Variants in KCNG2 observed in about 807,000 individuals in gnomAD.
KCNG2 encodes voltage-gated potassium channel regulatory subunit KCNG2.
A neutral mutation model predicts 12.3 loss-of-function variants in KCNG2; 7 were observed. That is an observed-to-expected ratio of 0.57 (90% CI 0.32 to 1.07). The LOEUF (loss-of-function observed/expected upper bound fraction) is 1.07. KCNG2 is among the 50% of genes least tolerant of loss of function. KCNG2 has a pLI of 0.04. For synonymous variants in KCNG2, 414 were observed against 351.4 expected (o/e 1.18, Z -1.99); for missense variants, 703 against 726.0 (o/e 0.97, Z 0.36).
At chr18:79,816,540 G>C (rs1019143514) in intron 1 of KCNG2, 3 of 152,246 alleles carry the variant, frequency 2.0e-5, no homozygotes, top group African/African-American at 7.2e-5. Context: ...AAATGTGGAC[G>C]GTGTGGGAAT....
intron 1 of KCNG2, among the ~76,000 whole-genome samples, chr18:79,821,686 G>T (rs1351697989): frequency 6.6e-6 from 1 of 152,284 alleles, no homozygotes; most frequent in South Asian, 2.1e-4. Context: ...ACTAGGAAGG[G>T]CCTCCTTCCT....
At position 79,863,861 on chromosome 18, in the gene KCNG2, G is replaced by T; in HGVS notation, c.194G>T (p.Ser65Ile). Reference protein sequence around the residue: ...LLRVCDDYDVSRDEFFFDRSP... With the variant: ...LLRVCDDYDVIRDEFFFDRSP... ...CGCGTGTGTGACGACTACGACGTGA[G>T]CCGCGACGAGTTCTTCTTCGACCGC... Residue 65 changes from serine (S) to isoleucine (I), a missense_variant, in exon 3 of 4, where the codon AGC becomes ATC. Ser to Ile is a moderately radical substitution (Grantham distance 142). Coordinates refer to ENST00000316249, the MANE Select transcript of KCNG2 (RefSeq NM_012283.2). The T allele has an allele frequency of 6.8e-7, 1 of 1,470,270 alleles. No homozygotes were observed. The highest frequency in any genetic ancestry group is 9.0e-7 in the Non-Finnish European group (1 of 1,108,236). The allele number at this position is 1,470,270 out of a possible 1,614,324, so 91.1% of individuals were successfully genotyped here.
chr18:79,849,113 A>C (rs556849472), intron 1 of KCNG2, among the ~76,000 whole-genome samples: 2 of 152,170 alleles, frequency 1.3e-5, no homozygotes, highest in African/African-American at 4.8e-5. Context: ...CCCCGCCTCC[A>C]CATCGAGCCC....
intron 1 of KCNG2, among the ~76,000 whole-genome samples, chr18:79,830,408 G>A (rs956409132): frequency 6.6e-6 from 1 of 152,190 alleles, no homozygotes; most frequent in African/African-American, 2.4e-5. Flanking sequence ...GAGCTCACTG[G>A]GACATCATCT....
At chr18:79,872,280 G>GTTTTTTTT (rs1162742507) in intron 3 of KCNG2, among the ~76,000 whole-genome samples, 1,962 of 73,340 alleles carry the variant, frequency 0.027, 259 homozygotes, top group East Asian at 0.044. Context: ...CAAAGCTTCA[G>GTTTTTTTT]TTTTTTTTTT....
Position 79,899,036 on chromosome 18 carries a change from G to T in KCNG2, c.625-4G>T. The T allele has an allele frequency of 1.9e-6, 3 of 1,539,954 alleles. No individual in the cohort carries two copies. The highest frequency in any genetic ancestry group is 2.6e-6 in the Non-Finnish European group (3 of 1,146,480). On this transcript the variant is annotated splice_region_variant and splice_polypyrimidine_tract_variant and intron_variant, in intron 3 of 3. Coordinates refer to ENST00000316249, the MANE Select transcript of KCNG2 (RefSeq NM_012283.2). ...CCCCAACCCCGTGTCCCCTCTCCCCGCAGGGCGAGTGCTCCCCCAAGTGCC... is the reference window on the plus strand; with the variant it reads ...CCCCAACCCCGTGTCCCCTCTCCCCTCAGGGCGAGTGCTCCCCCAAGTGCC...
intron 3 of KCNG2, among the ~76,000 whole-genome samples, chr18:79,866,382 G>T (rs1416353263): frequency 4.0e-5 from 4 of 99,746 alleles, no homozygotes; most frequent in Admixed American, 2.0e-4. Flanking sequence ...CTGAGGTCTG[G>T]GTGCTGAGAG....
chr18:79,811,814 A>G (rs2087496192), intron 1 of KCNG2, among the ~76,000 whole-genome samples: 1 of 152,236 alleles, frequency 6.6e-6, no homozygotes, highest in South Asian at 2.1e-4. Context: ...ACTGAAATAT[A>G]TAACAACAGT....
rs2087397957 is a variant in KCNG2, at chr18:79,800,271, G to A, written c.-115+2257G>A. 6.6e-6 allele frequency among the ~76,000 whole-genome samples: 1 copy of A among 152,156 alleles called. No individual in the cohort carries two copies. The highest frequency in any genetic ancestry group is 1.5e-5 in the Non-Finnish European group (1 of 68,026). Reference sequence around the variant, plus strand: ...CATCCAGGGACGGCCACCTGTGTCTGAGTACTGCGCGCCTGTCCACGGATG... The same window carrying A: ...CATCCAGGGACGGCCACCTGTGTCTAAGTACTGCGCGCCTGTCCACGGATG... On this transcript the variant is annotated intron_variant, in intron 1 of 3. Coordinates refer to ENST00000316249, the MANE Select transcript of KCNG2 (RefSeq NM_012283.2). The surrounding 1 kb of genome is among the most constrained non-coding windows in gnomAD (Gnocchi z 4.0).
At chr18:79,890,400 G>A (rs1020146167) in intron 3 of KCNG2, among the ~76,000 whole-genome samples, 2 of 152,092 alleles carry the variant, frequency 1.3e-5, no homozygotes, top group African/African-American at 4.8e-5. Context: ...CTGAGGTTTG[G>A]GGTAGGATTG....
chr18:79,879,913 C>T (rs1378102192), intron 3 of KCNG2, among the ~76,000 whole-genome samples: 9 of 152,168 alleles, frequency 5.9e-5, no homozygotes, highest in Middle Eastern at 3.4e-3. Context: ...GGGTCGTAGG[C>T]GGGTGGCACT....
intron 1 of KCNG2, among the ~76,000 whole-genome samples, chr18:79,839,246 A>G (rs1292119181): frequency 1.3e-5 from 2 of 152,226 alleles, no homozygotes; most frequent in Non-Finnish European, 2.9e-5. Flanking sequence ...GTGAGCCATG[A>G]TCATGCCACT....
chr18:79,874,522 G>A (rs919399814), intron 3 of KCNG2, among the ~76,000 whole-genome samples: 6 of 152,218 alleles, frequency 3.9e-5, no homozygotes, highest in Non-Finnish European at 8.8e-5. Context: ...AAATGTGTAC[G>A]AAGATGTGAC....
chr18:79,821,569 C>T (rs1326297066), intron 1 of KCNG2, among the ~76,000 whole-genome samples: 2 of 152,080 alleles, frequency 1.3e-5, no homozygotes, highest in Non-Finnish European at 2.9e-5. Context: ...GGATTACAGG[C>T]GTGAGCCACC....
At position 79,864,216 on chromosome 18, in the gene KCNG2, C is replaced by T. The variant is rs745631622; in HGVS notation, c.549C>T (p.Ser183=). ...GLAGKLFACV[S]VSFVAVTAVG... is the part of the protein sequence containing the mutation. Reference sequence around the variant, plus strand: ...CGGGCAAGCTCTTCGCCTGCGTGTCCGTGTCCTTCGTGGCCGTCACGGCCG... The same window carrying T: ...CGGGCAAGCTCTTCGCCTGCGTGTCTGTGTCCTTCGTGGCCGTCACGGCCG... Residue 183 remains serine, a synonymous_variant, in exon 3 of 4, where the codon TCC becomes TCT. Coordinates refer to ENST00000316249, the MANE Select transcript of KCNG2 (RefSeq NM_012283.2). The T allele has an allele frequency of 1.3e-6, 2 of 1,549,796 alleles. No homozygotes were observed. The highest frequency in any genetic ancestry group is 1.4e-5 in the African/African-American group (1 of 69,842).
intron 3 of KCNG2, among the ~76,000 whole-genome samples, chr18:79,868,023 T>G (rs1280317022): frequency 6.6e-6 from 1 of 152,204 alleles, no homozygotes; most frequent in African/African-American, 2.4e-5. Flanking sequence ...CCTTCCCCCG[T>G]CGTCCCCATG....
intron 1 of KCNG2, among the ~76,000 whole-genome samples, chr18:79,802,660 C>T (rs2087419688): frequency 6.6e-6 from 1 of 152,174 alleles, no homozygotes; most frequent in African/African-American, 2.4e-5. Flanking sequence ...CCCAACCTGG[C>T]AGATAACAGA....
chr18:79,863,740 G>C lies in KCNG2; in HGVS notation c.73G>C (p.Gly25Arg). 2 of 1,204,526 alleles carry C rather than the reference G, an allele frequency of 1.7e-6. No homozygotes were observed. Among genetic ancestry groups the C allele is most frequent in the Non-Finnish European group, 2.1e-6 (2 of 970,166 alleles). The allele number at this position is 1,204,526 out of a possible 1,614,324, so 74.6% of individuals were successfully genotyped here. The change falls in exon 3 of 4, where the codon GGC becomes CGC. Residue 25 changes from glycine to arginine, a missense_variant. Gly to Arg is a moderately radical substitution (Grantham distance 125). Transcript: ENST00000316249. ...CCGGCACGTCATCATCAACGTGGGC[G>C]GCTGCCGCGTGCGCCTGGCATGGGC... ...RARHVIINVG[G>R]CRVRLAWAAL...
intron 3 of KCNG2, among the ~76,000 whole-genome samples, chr18:79,867,769 TGGGG>T (rs1312339478): frequency 6.2e-4 from 95 of 152,054 alleles, no homozygotes; most frequent in African/African-American, 2.3e-3. Context: ...CCCCACCAGG[TGGGG>T]GTCGGGCACC....
Sources: gnomAD v4.1 joint callset for allele counts (sites outside exome capture counted in the v4.1 genomes callset) on GRCh38, gnomAD v4.1.1 for gene constraint, Gnocchi (gnomAD v3.1) non-coding constraint, MANE v1.5 for transcripts, NCBI Gene and HGNC (gene_info 2026-07-23, HGNC 2026-07-21) for gene names.